The following MYLK variants were observed in gnomAD, a reference collection of about 807,000 sequenced individuals.
The protein encoded by MYLK is myosin light chain kinase, smooth muscle.
A neutral mutation model predicts 203.4 loss-of-function variants in MYLK; 106 were observed. The observed-to-expected ratio is 0.52, with a 90% CI of 0.45 to 0.61. The LOEUF is 0.61. Among genes scored for constraint, MYLK ranks in the 20% least tolerant of loss-of-function variants. The pLI, the probability that MYLK is intolerant of heterozygous loss-of-function variation, is 0.00. For synonymous variants in MYLK, 867 were observed against 959.5 expected (o/e 0.90, Z 1.78); for missense variants, 2,072 against 2,442.3 (o/e 0.85, Z 3.20).
chr3:123,697,945 C>A (rs1225866712), intron 18 of MYLK, among the ~76,000 whole-genome samples: 1 of 152,126 alleles, frequency 6.6e-6, no homozygotes, highest in Non-Finnish European at 1.5e-5. Context: ...GATCTCTAGG[C>A]TCTTTACCAC....
chr3:123,720,482 G>T (rs183790711), intron 13 of MYLK, among the ~76,000 whole-genome samples: 5 of 152,116 alleles, frequency 3.3e-5, no homozygotes, highest in Non-Finnish European at 5.9e-5. Flanking sequence ...CCCCTTACTT[G>T]ACTCTGGGGT....
chr3:123,818,755 A>G (rs776561578), intron 3 of MYLK, among the ~76,000 whole-genome samples: 2 of 152,200 alleles, frequency 1.3e-5, no homozygotes, highest in Non-Finnish European at 2.9e-5. Context: ...TTTGAATCTC[A>G]GTTCTGTCAC....
At position 123,663,556 on chromosome 3, in the gene MYLK, C is replaced by T. The variant is rs537806127; in HGVS notation, c.3985+549G>A. Among the ~76,000 whole-genome samples the T allele has an allele frequency of 1.3e-4, 19 of 151,990 alleles. No homozygotes were observed. In the South Asian group the frequency reaches 1.7e-3, roughly 13 times the overall value. ...ATGCCTGTGCATCTGGCTAAGATGG[C>T]GACACTTACGGGCTGCTGGGAGGAG... On this transcript the variant is annotated intron_variant, in intron 23 of 33. Coordinates refer to ENST00000360304, the MANE Select transcript of MYLK (RefSeq NM_053025.4).
intron 3 of MYLK, among the ~76,000 whole-genome samples, chr3:123,801,294 C>T (rs1008815747): frequency 6.6e-6 from 1 of 152,204 alleles, no homozygotes; most frequent in Non-Finnish European, 1.5e-5. Context: ...ATTTTGAGAA[C>T]CACCACATTA....
intron 2 of MYLK, among the ~76,000 whole-genome samples, chr3:123,850,188 G>T (rs2030592795): frequency 6.6e-6 from 1 of 152,150 alleles, no homozygotes; most frequent in African/African-American, 2.4e-5. Context: ...ATTGTGAATA[G>T]TGTTGCAGTA....
Position 123,666,881 on chromosome 3 carries a change from G to C in MYLK, c.3703+256C>G. 5.0e-6 allele frequency: 3 copies of C among 605,656 alleles called. No individual in the cohort carries two copies. In the South Asian group the frequency reaches 6.0e-5, roughly 12 times the overall value. 37.5% of individuals were successfully genotyped at this position (605,656 alleles called of 1,614,324 possible). A position where few individuals can be genotyped will look rare whatever the true frequency, so the allele number is the denominator to read the frequency against. The stretch of plus-strand genomic sequence containing the variant: ...GAAGGGGCAGGCAGGAGAGCTGCTA[G>C]TCCTGTATGATGCTGTCAACATGGG... On this transcript the variant is annotated intron_variant, in intron 21 of 33. Transcript: ENST00000360304.
At chr3:123,627,744 GA>G (rs908307095) in intron 30 of MYLK, among the ~76,000 whole-genome samples, 2 of 150,474 alleles carry the variant, frequency 1.3e-5, no homozygotes, top group Admixed American at 6.6e-5. Flanking sequence ...TAGTAGGAAG[GA>G]ATTTTTTTTT....
chr3:123,869,705 T>C (rs1670806133), intron 2 of MYLK, among the ~76,000 whole-genome samples: 1 of 152,192 alleles, frequency 6.6e-6, no homozygotes, highest in Non-Finnish European at 1.5e-5. Context: ...GGACTTAACA[T>C]ACCCCTCACA....
chr3:123,710,261 T>C (rs2061639845), intron 13 of MYLK, among the ~76,000 whole-genome samples: 1 of 142,010 alleles, frequency 7.0e-6, no homozygotes, highest in African/African-American at 2.6e-5. Flanking sequence ...CAGCCACCAG[T>C]GATCTCTCCT....
intron 4 of MYLK, among the ~76,000 whole-genome samples, chr3:123,775,002 A>G (rs2064017754): frequency 6.6e-6 from 1 of 152,100 alleles, no homozygotes; most frequent in African/African-American, 2.4e-5. Context: ...AATAGGGAAG[A>G]TGGAAAAGAC....
intron 19 of MYLK, among the ~76,000 whole-genome samples, chr3:123,682,720 G>A (rs1221455829): frequency 6.6e-6 from 1 of 152,186 alleles, no homozygotes; most frequent in African/African-American, 2.4e-5. Context: ...GAGGGGACAG[G>A]GTCCCCGCCC....
intron 13 of MYLK, among the ~76,000 whole-genome samples, chr3:123,714,935 C>T (rs988005102): frequency 2.6e-5 from 4 of 150,984 alleles, no homozygotes; most frequent in Non-Finnish European, 5.9e-5. Context: ...GCCATGTAGA[C>T]GAAGCTGTTA....
At chr3:123,843,889 T>G (rs2066650690) in intron 2 of MYLK, among the ~76,000 whole-genome samples, 1 of 152,146 alleles carries the variant, frequency 6.6e-6, no homozygotes, top group Non-Finnish European at 1.5e-5. Context: ...ATGCTTCTGC[T>G]CTAAGTGAGA....
chr3:123,825,243 C>T (rs2066076513), intron 3 of MYLK, among the ~76,000 whole-genome samples: 1 of 152,016 alleles, frequency 6.6e-6, no homozygotes, highest in South Asian at 2.1e-4. Flanking sequence ...AGGTTACTTG[C>T]CCTTTTGAAA....
chr3:123,747,982 C>A (rs994368224), intron 5 of MYLK, among the ~76,000 whole-genome samples: 6 of 152,194 alleles, frequency 3.9e-5, no homozygotes, highest in Admixed American at 1.3e-4. Context: ...CTACTCACCA[C>A]CTGTTAGTCT....
At chr3:123,878,755 T>TC (rs1406225201) in intron 1 of MYLK, among the ~76,000 whole-genome samples, 1 of 152,150 alleles carries the variant, frequency 6.6e-6, no homozygotes, top group Admixed American at 6.5e-5. Context: ...TGGTATGATC[T>TC]CAGCTCACTG....
At chr3:123,791,341 T>G (rs1161641166) in intron 4 of MYLK, among the ~76,000 whole-genome samples, 2 of 152,226 alleles carry the variant, frequency 1.3e-5, no homozygotes, top group African/African-American at 4.8e-5. Flanking sequence ...GGTCACCAGG[T>G]CAGAAACACC....
chr3:123,852,612 TTC>T (rs2030940934), intron 2 of MYLK, among the ~76,000 whole-genome samples: 2 of 152,208 alleles, frequency 1.3e-5, no homozygotes, highest in South Asian at 2.1e-4. Flanking sequence ...TATTTGATTC[TTC>T]TCTCTTTTCT....
At chr3:123,636,347 C>T (rs2058643717) in intron 29 of MYLK, among the ~76,000 whole-genome samples, 1 of 152,242 alleles carries the variant, frequency 6.6e-6, no homozygotes, top group Non-Finnish European at 1.5e-5. Flanking sequence ...CTGCCATGAT[C>T]CACTCTTGGG....
Sources: gnomAD v4.1 joint callset for allele counts (sites outside exome capture counted in the v4.1 genomes callset) on GRCh38, gnomAD v4.1.1 for gene constraint, MANE v1.5 for transcripts, NCBI Gene and HGNC (gene_info 2026-07-23, HGNC 2026-07-21) for gene names.